CIROZ: variants seen among roughly 807,000 people sequenced by gnomAD.
The protein encoded by CIROZ is ciliated left-right organizer ZP-N domains-containing protein.
the CIROZ span, chr1:10,970,235 G>A: frequency 1.3e-6 from 1 of 762,674 alleles, no homozygotes; most frequent in Non-Finnish European, 2.1e-6. Context: ...AGGGCATGTA[G>A]GGGTCATATT....
At chr1:10,974,990 G>A in the CIROZ span, among the ~76,000 whole-genome samples, 65 of 152,256 alleles carry the variant, frequency 4.3e-4, no homozygotes, top group Middle Eastern at 3.4e-3. This position sits in a 1 kb window ranked among gnomAD's most constrained non-coding sequence, Gnocchi z 4.4. Context: ...ATGAAATGAG[G>A]GCTGGGCATG....
At chr1:10,951,923 C>A in the CIROZ span, among the ~76,000 whole-genome samples, 1 of 151,750 alleles carries the variant, frequency 6.6e-6, no homozygotes, top group Non-Finnish European at 1.5e-5. Flanking sequence ...TCTCTAACCA[C>A]GGGGAGTTTA....
chr1:10,958,182 C>T, the CIROZ span, among the ~76,000 whole-genome samples: 7 of 152,230 alleles, frequency 4.6e-5, no homozygotes, highest in African/African-American at 9.6e-5. Context: ...AGGGAAGGGT[C>T]GCCAGCTCCC....
chr1:10,976,332 T>G, the CIROZ span: 2 of 962,050 alleles, frequency 2.1e-6, no homozygotes, highest in Admixed American at 2.6e-5. Flanking sequence ...TCACTCATTA[T>G]ATTTCTTTTT....
chr1:10,966,445 A>G, the CIROZ span: 1 of 1,536,636 alleles, frequency 6.5e-7, no homozygotes, highest in East Asian at 2.4e-5. Context: ...CACATTTAGC[A>G]AGAGAAGAAT....
the CIROZ span, among the ~76,000 whole-genome samples, chr1:10,971,143 C>T: frequency 1.5e-3 from 2 of 1,342 alleles, no homozygotes; most frequent in African/African-American, 0.01. Flanking sequence ...AGCAAGACTC[C>T]ACCTCAAAAA....
the CIROZ span, among the ~76,000 whole-genome samples, chr1:10,959,449 C>T: frequency 6.6e-6 from 1 of 152,224 alleles, no homozygotes; most frequent in East Asian, 1.9e-4. The surrounding 1 kb of genome is among the most constrained non-coding windows in gnomAD (Gnocchi z 4.3). Flanking sequence ...AACCCCTCTG[C>T]AGCCAGTGCC....
chr1:10,950,014 T>C, the CIROZ span, among the ~76,000 whole-genome samples: 50 of 150,732 alleles, frequency 3.3e-4, no homozygotes, highest in South Asian at 0.01. Context: ...TTTGAGACTA[T>C]GTGGACATCA....
At chr1:10,954,100 A>G in the CIROZ span, 1 of 1,613,636 alleles carries the variant, frequency 6.2e-7, no homozygotes, top group East Asian at 2.2e-5. Flanking sequence ...TCTACCCTAT[A>G]GAAAGCTTGT....
the CIROZ span, chr1:10,955,147 G>T: frequency 6.2e-7 from 1 of 1,612,850 alleles, no homozygotes; most frequent in Non-Finnish European, 8.5e-7. Context: ...TCTCTGCTTG[G>T]GGATGTGAAC....
At chr1:10,977,142 A>G in the CIROZ span, among the ~76,000 whole-genome samples, 1 of 152,094 alleles carries the variant, frequency 6.6e-6, no homozygotes, top group East Asian at 1.9e-4. Flanking sequence ...CTGGAGGACT[A>G]CAGTGAGACC....
the CIROZ span, among the ~76,000 whole-genome samples, chr1:10,962,675 G>A: frequency 6.6e-6 from 1 of 152,150 alleles, no homozygotes; most frequent in Non-Finnish European, 1.5e-5. Context: ...GCTACCAGCT[G>A]GCAAGTCTCC....
chr1:10,974,552 C>T, the CIROZ span, among the ~76,000 whole-genome samples: 1 of 152,134 alleles, frequency 6.6e-6, no homozygotes, highest in African/African-American at 2.4e-5. This position sits in a 1 kb window ranked among gnomAD's most constrained non-coding sequence, Gnocchi z 4.4. Context: ...GAGGAGCTAC[C>T]CACTCCTCTG....
At chr1:10,955,183 G>A in the CIROZ span, 1 of 1,601,856 alleles carries the variant, frequency 6.2e-7, no homozygotes, top group Non-Finnish European at 8.5e-7. Context: ...TGGCTGGAAT[G>A]ACACTGGAAT....
chr1:10,964,873 C>A, the CIROZ span, among the ~76,000 whole-genome samples: 1 of 152,176 alleles, frequency 6.6e-6, no homozygotes, highest in Non-Finnish European at 1.5e-5. Context: ...TCAAGTGATC[C>A]GCTCATCTTG....
At chr1:10,975,590 GAAAAA>G in the CIROZ span, among the ~76,000 whole-genome samples, 9 of 98,650 alleles carry the variant, frequency 9.1e-5, no homozygotes, top group African/African-American at 3.3e-4. Context: ...CTCTGTCTCA[GAAAAA>G]AAAAAAAAAA....
At chr1:10,956,893 CAAGG>C in the CIROZ span, 1 of 776,172 alleles carries the variant, frequency 1.3e-6, no homozygotes, top group Non-Finnish European at 2.0e-6. Flanking sequence ...AACGCATAGC[CAAGG>C]TTGGGACTGA....
At chr1:10,955,014 C>A in the CIROZ span, 1 of 1,606,296 alleles carries the variant, frequency 6.2e-7, no homozygotes, top group South Asian at 1.1e-5. Flanking sequence ...CCCCGGCCGC[C>A]GGAATGCTGA....
the CIROZ span, among the ~76,000 whole-genome samples, chr1:10,980,180 G>C: frequency 0.021 from 3,143 of 152,380 alleles, 123 homozygotes; most frequent in African/African-American, 0.072. Flanking sequence ...CAGGGCCTCA[G>C]GCCCAGCCCA....
Sources: gnomAD v4.1 joint callset for allele counts (sites outside exome capture counted in the v4.1 genomes callset) on GRCh38, gnomAD v4.1.1 for gene constraint, Gnocchi (gnomAD v3.1) non-coding constraint, MANE v1.5 for transcripts, NCBI Gene and HGNC (gene_info 2026-07-23, HGNC 2026-07-21) for gene names.